The following LRRTM4 variants were observed in gnomAD, a reference collection of about 807,000 sequenced individuals.
The protein encoded by LRRTM4 is leucine-rich repeat transmembrane neuronal protein 4.
LRRTM4 carries 25 observed loss-of-function variants against 47.6 expected under a neutral mutation model. The observed-to-expected ratio is 0.53, with a 90% confidence interval of 0.38 to 0.73. The LOEUF (loss-of-function observed/expected upper bound fraction) is 0.73, where lower values mean the gene tolerates loss of function less well. Ranked by LOEUF, LRRTM4 falls within the 30% of genes least tolerant of loss-of-function variation. The probability of loss-of-function intolerance (pLI) is 0.00; values close to 1 mark genes in which losing one functional copy is unlikely to be tolerated. For missense variants in LRRTM4, 638 were observed against 713.4 expected, an observed-to-expected ratio of 0.89 and a Z score of 1.20; for synonymous variants, 311 against 269.5, an observed-to-expected ratio of 1.15 and a Z score of -1.51.
chr2:77,357,569 C>A (rs1391445275), intron 3 of LRRTM4, among the ~76,000 whole-genome samples: 1 of 152,052 alleles, frequency 6.6e-6, no homozygotes, highest in Non-Finnish European at 1.5e-5. Flanking sequence ...TCTTCATTTG[C>A]CAAACCAAAT....
chr2:77,220,022 A>G lies in LRRTM4; in HGVS notation c.1551+298296T>C, dbSNP rs574218832. Among the ~76,000 whole-genome samples, 385 of 152,254 alleles carry G rather than the reference A, an allele frequency of 2.5e-3. 1 individual carries two copies. Among genetic ancestry groups the G allele is most frequent in the Non-Finnish European group, 4.2e-3 (288 of 68,002 alleles). ...CTGAGACAAAACTTCCAGAGGAATG[A>G]TCAGGCAGCAGCATTTGTGGTTCAC... On this transcript the variant is annotated intron_variant, in intron 3 of 3. Coordinates refer to ENST00000409884, the MANE Select transcript of LRRTM4 (RefSeq NM_001134745.3).
At chr2:77,084,265 G>T (rs781597116) in intron 3 of LRRTM4, among the ~76,000 whole-genome samples, 1 of 152,160 alleles carries the variant, frequency 6.6e-6, no homozygotes, top group African/African-American at 2.4e-5. Flanking sequence ...TCCGACACTT[G>T]TAATATGGGA....
intron 3 of LRRTM4, among the ~76,000 whole-genome samples, chr2:77,480,755 A>G (rs1677644994): frequency 7.0e-6 from 1 of 143,558 alleles, no homozygotes; most frequent in South Asian, 2.2e-4. Flanking sequence ...TGACATTCAA[A>G]ACAAACTTGC....
chr2:77,026,662 T>C (rs554048070), intron 3 of LRRTM4, among the ~76,000 whole-genome samples: 57 of 151,960 alleles, frequency 3.8e-4, no homozygotes, highest in Non-Finnish European at 6.8e-4. Context: ...TTTATTGTCA[T>C]AGAAAAAGTA....
chr2:77,334,214 G>A (rs574482048), intron 3 of LRRTM4, among the ~76,000 whole-genome samples: 17 of 152,274 alleles, frequency 1.1e-4, no homozygotes, highest in South Asian at 2.1e-4. Flanking sequence ...ATGTTGGAAT[G>A]TGGACTTTTG....
intron 3 of LRRTM4, among the ~76,000 whole-genome samples, chr2:77,104,328 C>T (rs894877840): frequency 6.6e-5 from 10 of 152,236 alleles, no homozygotes; most frequent in African/African-American, 1.9e-4. Flanking sequence ...TTCTGTCCCT[C>T]GTCAATTCAC....
At chr2:76,936,791 T>C (rs1674965925) in intron 3 of LRRTM4, among the ~76,000 whole-genome samples, 1 of 149,280 alleles carries the variant, frequency 6.7e-6, no homozygotes, top group Admixed American at 6.7e-5. Context: ...CCATTTCTAC[T>C]AAAAATACAA....
At chr2:76,812,439 C>G (rs1213778408) in intron 3 of LRRTM4, among the ~76,000 whole-genome samples, 1 of 152,058 alleles carries the variant, frequency 6.6e-6, no homozygotes, top group African/African-American at 2.4e-5. Flanking sequence ...AGTAAATTCT[C>G]CATTCTTAAG....
In LRRTM4 at chr2:77,325,277, C is replaced by G. The variant is rs560340742; in HGVS notation, c.1551+193041G>C. Reference sequence around the variant, plus strand: ...AAAAAAAAGATAGTTGAGCACTTGGCAAAGGACAAAAAGATTTCCAGGATG... The same window carrying G: ...AAAAAAAAGATAGTTGAGCACTTGGGAAAGGACAAAAAGATTTCCAGGATG... On this transcript the variant is annotated intron_variant, in intron 3 of 3. Transcript: ENST00000409884. Among the ~76,000 whole-genome samples the G allele has an allele frequency of 1.4e-3, 212 of 152,224 alleles. 1 individual carries two copies. The highest frequency in any genetic ancestry group is 4.9e-3 in the African/African-American group (203 of 41,564).
intron 3 of LRRTM4, among the ~76,000 whole-genome samples, chr2:77,040,766 G>C (rs1479226501): frequency 1.3e-5 from 2 of 151,400 alleles, no homozygotes; most frequent in African/African-American, 4.8e-5. Context: ...AACTGCTTTA[G>C]TCCATTTTTT....
intron 3 of LRRTM4, among the ~76,000 whole-genome samples, chr2:77,003,352 G>C (rs1383296600): frequency 6.6e-6 from 1 of 151,326 alleles, no homozygotes; most frequent in East Asian, 1.9e-4. Flanking sequence ...GATATGTATT[G>C]GCTCTGCACC....
chr2:77,042,187 A>G (rs192145047), intron 3 of LRRTM4, among the ~76,000 whole-genome samples: 147 of 151,692 alleles, frequency 9.7e-4, no homozygotes, highest in African/African-American at 2.7e-3. Context: ...ATGAATATAT[A>G]TAAGAATGTC....
At chr2:76,909,995 C>G (rs148283948) in intron 3 of LRRTM4, among the ~76,000 whole-genome samples, 2,460 of 152,050 alleles carry the variant, frequency 0.016, 61 homozygotes, top group African/African-American at 0.055. Flanking sequence ...CCCATTACTG[C>G]GTATATACCC....
At chr2:77,473,002 G>A (rs1677249646) in intron 3 of LRRTM4, among the ~76,000 whole-genome samples, 1 of 152,090 alleles carries the variant, frequency 6.6e-6, no homozygotes, top group Non-Finnish European at 1.5e-5. Context: ...AAATTAAAAT[G>A]CTAAATAGAT....
At chr2:76,896,649 T>G (rs549536497) in intron 3 of LRRTM4, among the ~76,000 whole-genome samples, 1 of 151,832 alleles carries the variant, frequency 6.6e-6, no homozygotes, top group African/African-American at 2.4e-5. Context: ...AAAACTGTAG[T>G]CTTTTTATAT....
intron 3 of LRRTM4, among the ~76,000 whole-genome samples, chr2:77,223,506 CAA>C (rs1465502104): frequency 6.6e-6 from 1 of 152,156 alleles, no homozygotes; most frequent in Non-Finnish European, 1.5e-5. Flanking sequence ...GCAACTTCGG[CAA>C]AGTCTCAGGA....
intron 3 of LRRTM4, among the ~76,000 whole-genome samples, chr2:76,957,696 C>T (rs1205857314): frequency 2.0e-5 from 3 of 151,614 alleles, no homozygotes; most frequent in Non-Finnish European, 4.4e-5. Flanking sequence ...TCATTAGAAA[C>T]TGATCTAATA....
chr2:76,757,736 G>GA (rs149557533), intron 3 of LRRTM4, among the ~76,000 whole-genome samples: 2 of 152,028 alleles, frequency 1.3e-5, no homozygotes, highest in South Asian at 2.1e-4. Flanking sequence ...TCTCCTTTGT[G>GA]AAAAAAATAA....
At chr2:77,482,031 G>A (rs75257937) in intron 3 of LRRTM4, among the ~76,000 whole-genome samples, 8,105 of 152,184 alleles carry the variant, frequency 0.053, 282 homozygotes, top group Middle Eastern at 0.095. Context: ...TAACCAGCTA[G>A]ATGAAGACAA....
Sources: gnomAD v4.1 joint callset for allele counts (sites outside exome capture counted in the v4.1 genomes callset) on GRCh38, gnomAD v4.1.1 for gene constraint, MANE v1.5 for transcripts, NCBI Gene and HGNC (gene_info 2026-07-23, HGNC 2026-07-21) for gene names.